DIAPH2: variants seen among roughly 807,000 people sequenced by gnomAD.
DIAPH2 encodes the protein protein diaphanous homolog 2.
A neutral mutation model predicts 92.7 loss-of-function variants in DIAPH2; 35 were observed. The ratio of observed to expected loss-of-function variants is 0.38; its 90% CI spans 0.29 to 0.50. The LOEUF (loss-of-function observed/expected upper bound fraction) is 0.50, where lower values mean the gene tolerates loss of function less well. DIAPH2 is among the 20% of genes least tolerant of loss of function. The pLI, the probability that DIAPH2 is intolerant of heterozygous loss-of-function variation, is 0.94. For missense variants in DIAPH2, 701 were observed against 819.5 expected (o/e 0.86, Z 1.77); for synonymous variants, 301 against 280.4 (o/e 1.07, Z -0.73).
chrX:97,274,643 TG>T (rs1477019208), intron 23 of DIAPH2, among the ~76,000 whole-genome samples: 4 of 110,441 alleles, frequency 3.6e-5, no homozygotes, highest in African/African-American at 1.3e-4. Context: ...GTTTTTTTTT[TG>T]TTTTTTTGTT....
intron 17 of DIAPH2, among the ~76,000 whole-genome samples, chrX:96,993,073 T>C (rs1413471655): frequency 8.9e-6 from 1 of 112,581 alleles, no homozygotes; most frequent in African/African-American, 3.2e-5. Context: ...GTGTCTTACT[T>C]TAAAACTGAT....
At chrX:97,232,585 A>G (rs2068017966) in intron 22 of DIAPH2, among the ~76,000 whole-genome samples, 1 of 110,608 alleles carries the variant, frequency 9.0e-6, no homozygotes, top group South Asian at 3.9e-4. Context: ...CATATAACCT[A>G]CACACTGTCT....
intron 9 of DIAPH2, among the ~76,000 whole-genome samples, chrX:96,930,326 A>G (rs2065611214): frequency 1.8e-5 from 2 of 110,704 alleles, no homozygotes; most frequent in South Asian, 3.8e-4. Flanking sequence ...GTACTTTTAT[A>G]TCTTTGATTT....
intron 17 of DIAPH2, among the ~76,000 whole-genome samples, chrX:96,999,562 T>G (rs2066129361): frequency 9.2e-6 from 1 of 108,661 alleles, no homozygotes; most frequent in Non-Finnish European, 1.9e-5. Context: ...ACTTGTGTGG[T>G]AGTACTTGTA....
chrX:97,390,213 T>TG (rs1430115252), intron 25 of DIAPH2, among the ~76,000 whole-genome samples: 1 of 74,540 alleles, frequency 1.3e-5, no homozygotes, highest in Non-Finnish European at 2.6e-5. Context: ...TCTGTCTTTT[T>TG]TTTTTTTTTT....
At chrX:96,881,347 A>AT (rs1472380229) in intron 4 of DIAPH2, among the ~76,000 whole-genome samples, 3 of 111,196 alleles carry the variant, frequency 2.7e-5, no homozygotes, top group African/African-American at 9.8e-5. Flanking sequence ...TCAAGTTCAT[A>AT]TTCTATTCAG....
intron 22 of DIAPH2, among the ~76,000 whole-genome samples, chrX:97,199,686 A>G (rs1308032636): frequency 9.0e-6 from 1 of 111,422 alleles, no homozygotes; most frequent in Non-Finnish European, 1.9e-5. Flanking sequence ...GGAGTAGGGT[A>G]GGGAAACTTC....
chrX:97,242,585 C>T (rs1476245524), intron 22 of DIAPH2, among the ~76,000 whole-genome samples: 1 of 109,538 alleles, frequency 9.1e-6, no homozygotes, highest in Non-Finnish European at 1.9e-5. Context: ...ATGCTGGTCT[C>T]AAACTCCTGA....
chrX:97,199,112 T>C (rs928857462), intron 22 of DIAPH2, among the ~76,000 whole-genome samples: 10 of 110,191 alleles, frequency 9.1e-5, no homozygotes, highest in African/African-American at 3.0e-4. Flanking sequence ...AAGGCAGTGC[T>C]GAGTTTTTCT....
intron 4 of DIAPH2, among the ~76,000 whole-genome samples, chrX:96,781,042 G>A (rs1446880299): frequency 9.2e-6 from 1 of 108,753 alleles, no homozygotes; most frequent in Non-Finnish European, 1.9e-5. Flanking sequence ...GCCGACCTCA[G>A]GCGATCTGCC....
intron 17 of DIAPH2, among the ~76,000 whole-genome samples, chrX:97,020,208 A>G (rs1357007777): frequency 2.7e-5 from 3 of 112,413 alleles, no homozygotes; most frequent in African/African-American, 9.7e-5. Flanking sequence ...GTGAGAATAA[A>G]CCTGAAGCAT....
At chrX:97,563,604 G>T (rs2071307958) in intron 26 of DIAPH2, among the ~76,000 whole-genome samples, 1 of 111,900 alleles carries the variant, frequency 8.9e-6, no homozygotes, top group African/African-American at 3.2e-5. Flanking sequence ...GCTGTTCTGA[G>T]TTCACTGAAA....
At chrX:96,891,688 A>C (rs2065308412) in intron 5 of DIAPH2, among the ~76,000 whole-genome samples, 1 of 112,366 alleles carries the variant, frequency 8.9e-6, no homozygotes, top group Non-Finnish European at 1.9e-5. Flanking sequence ...ATAGTATCAC[A>C]GAATTGTGAT....
chrX:96,972,607 G>A (rs1401362895), intron 17 of DIAPH2, among the ~76,000 whole-genome samples: 1 of 110,809 alleles, frequency 9.0e-6, no homozygotes, highest in Non-Finnish European at 1.9e-5. Context: ...GTAGGAGGAT[G>A]CCCAGTATAC....
chrX:96,878,931 A>G (rs2065195710), intron 4 of DIAPH2, among the ~76,000 whole-genome samples: 1 of 111,889 alleles, frequency 8.9e-6, no homozygotes, highest in African/African-American at 3.3e-5. Context: ...AACTAAGCTT[A>G]GAATCTTCAG....
chrX:97,462,211 TG>T (rs1204402251), intron 26 of DIAPH2, among the ~76,000 whole-genome samples: 1 of 111,399 alleles, frequency 9.0e-6, no homozygotes, highest in Non-Finnish European at 1.9e-5. Context: ...TTACTGTGGG[TG>T]GGGGTGCAAC....
chrX:97,382,324 C>T (rs918721801), intron 24 of DIAPH2, among the ~76,000 whole-genome samples: 7 of 112,038 alleles, frequency 6.2e-5, no homozygotes, highest in African/African-American at 2.3e-4. Context: ...GGTGCGGTGG[C>T]TCACGCCTGT....
chrX:97,551,145 A>G (rs182428345), intron 26 of DIAPH2, among the ~76,000 whole-genome samples: 116 of 111,447 alleles, frequency 1.0e-3, no homozygotes, highest in African/African-American at 3.7e-3. Flanking sequence ...GAGGTATGAA[A>G]AAATAGATTG....
chrX:96,844,365 G>A (rs2064957317), intron 4 of DIAPH2, among the ~76,000 whole-genome samples: 1 of 112,262 alleles, frequency 8.9e-6, no homozygotes, highest in African/African-American at 3.2e-5. Context: ...TTATGCATAA[G>A]CTTTACATAG....
Sources: gnomAD v4.1 joint callset for allele counts (sites outside exome capture counted in the v4.1 genomes callset) on GRCh38, gnomAD v4.1.1 for gene constraint, MANE v1.5 for transcripts, NCBI Gene and HGNC (gene_info 2026-07-23, HGNC 2026-07-21) for gene names.